The following PDZRN4 variants were observed in gnomAD, a reference collection of about 807,000 sequenced individuals.
PDZRN4 encodes PDZ domain-containing RING finger protein 4.
PDZRN4 carries 70 observed loss-of-function variants against 99.0 expected under a neutral mutation model. The ratio of observed to expected loss-of-function variants is 0.71; its 90% CI spans 0.58 to 0.86. PDZRN4 has a LOEUF of 0.86. Ranked by LOEUF, PDZRN4 falls within the 40% of genes least tolerant of loss-of-function variation. PDZRN4 has a pLI of 0.00. For synonymous variants in PDZRN4, 551 were observed against 501.6 expected, an observed-to-expected ratio of 1.10 and a Z score of -1.32; for missense variants, 1,474 against 1,331.2, an observed-to-expected ratio of 1.11 and a Z score of -1.67.
chr12:41,231,268 A>G (rs1951028027), intron 3 of PDZRN4, among the ~76,000 whole-genome samples: 1 of 152,086 alleles, frequency 6.6e-6, no homozygotes. Flanking sequence ...CAATTGCTTT[A>G]TTCAGGATTT....
chr12:41,307,512 A>G (rs1227807439), intron 3 of PDZRN4, among the ~76,000 whole-genome samples: 3 of 152,286 alleles, frequency 2.0e-5, no homozygotes, highest in East Asian at 3.9e-4. Flanking sequence ...ATACCATCAC[A>G]CTGGAGATTA....
At chr12:41,376,257 TG>T (rs1404329758) in intron 3 of PDZRN4, among the ~76,000 whole-genome samples, 1 of 152,178 alleles carries the variant, frequency 6.6e-6, no homozygotes, top group African/African-American at 2.4e-5. Context: ...GCAAGATTGA[TG>T]GATCATATGG....
intron 5 of PDZRN4, among the ~76,000 whole-genome samples, chr12:41,532,796 G>C (rs1416698406): frequency 1.3e-5 from 2 of 152,138 alleles, no homozygotes; most frequent in Non-Finnish European, 2.9e-5. Context: ...CCTTAGAATT[G>C]TTGTGAGGAC....
intron 3 of PDZRN4, among the ~76,000 whole-genome samples, chr12:41,426,611 G>C (rs1952539235): frequency 6.6e-6 from 1 of 152,172 alleles, no homozygotes; most frequent in South Asian, 2.1e-4. Flanking sequence ...TTTTGAACCT[G>C]AGTTTTTAAA....
intron 3 of PDZRN4, among the ~76,000 whole-genome samples, chr12:41,336,302 A>AT (rs1258810293): frequency 1.3e-5 from 2 of 152,132 alleles, no homozygotes; most frequent in Non-Finnish European, 2.9e-5. Flanking sequence ...TGTGGTGACC[A>AT]TTGTATGTCA....
chr12:41,213,878 A>G (rs1210965481), intron 3 of PDZRN4, among the ~76,000 whole-genome samples: 2 of 152,178 alleles, frequency 1.3e-5, no homozygotes, highest in Non-Finnish European at 1.5e-5. Flanking sequence ...CTTCTAGTAT[A>G]GAAGAGTCAC....
chr12:41,349,449 A>G (rs1427400761), intron 3 of PDZRN4, among the ~76,000 whole-genome samples: 1 of 150,612 alleles, frequency 6.6e-6, no homozygotes, highest in East Asian at 1.9e-4. Flanking sequence ...TTTACCATCC[A>G]TGTTTATTTT....
At chr12:41,468,224 TG>T (rs1331365005) in intron 3 of PDZRN4, among the ~76,000 whole-genome samples, 4 of 152,196 alleles carry the variant, frequency 2.6e-5, no homozygotes, top group Admixed American at 1.3e-4. Flanking sequence ...AAACTGAACA[TG>T]AGCCATTGAA....
At chr12:41,495,885 C>T (rs1937991168) in intron 3 of PDZRN4, among the ~76,000 whole-genome samples, 1 of 152,048 alleles carries the variant, frequency 6.6e-6, no homozygotes, top group Non-Finnish European at 1.5e-5. Context: ...TTCATCTCAT[C>T]AGACCCACCT....
rs1939423252 is a variant in PDZRN4 at position 41,568,737 on chromosome 12, C to T, written c.1584+838C>T. ...TGTTACACTCATGTCATTTATCTGC[C>T]TGATATAATTTTGTTTTCAGTTTAC... On this transcript the variant is annotated intron_variant, in intron 9 of 9. Transcript: ENST00000402685. Among the ~76,000 whole-genome samples, 5 of 151,890 alleles carry T rather than the reference C, an allele frequency of 3.3e-5. No homozygotes were observed. In the South Asian group the frequency reaches 1.0e-3, roughly 32 times the overall value.
chr12:41,203,140 A>G (rs887840762), intron 3 of PDZRN4, among the ~76,000 whole-genome samples: 9 of 151,552 alleles, frequency 5.9e-5, no homozygotes, highest in African/African-American at 2.2e-4. Context: ...CGGAAGGTTG[A>G]AAAAAAAACC....
intron 3 of PDZRN4, among the ~76,000 whole-genome samples, chr12:41,457,549 T>G (rs1359321177): frequency 6.6e-6 from 1 of 152,224 alleles, no homozygotes; most frequent in Non-Finnish European, 1.5e-5. Flanking sequence ...TCTCTTCCTT[T>G]TTTTAGCTAT....
At chr12:41,394,348 A>G (rs1421047044) in intron 3 of PDZRN4, among the ~76,000 whole-genome samples, 2 of 152,218 alleles carry the variant, frequency 1.3e-5, no homozygotes, top group African/African-American at 4.8e-5. Context: ...CAAAGATGCT[A>G]TTCCAAGAGT....
chr12:41,465,677 A>G (rs1952917774), intron 3 of PDZRN4, among the ~76,000 whole-genome samples: 2 of 152,088 alleles, frequency 1.3e-5, no homozygotes, highest in Non-Finnish European at 2.9e-5. Context: ...CTTGTGTTAT[A>G]TCTGGACAGT....
At chr12:41,513,925 A>G (rs1592092527) in intron 5 of PDZRN4, among the ~76,000 whole-genome samples, 2 of 152,210 alleles carry the variant, frequency 1.3e-5, no homozygotes, top group East Asian at 3.9e-4. Flanking sequence ...ATAAAACATC[A>G]TGTTAGTCAA....
chr12:41,274,773 T>C (rs1444895901), intron 3 of PDZRN4, among the ~76,000 whole-genome samples: 2 of 152,150 alleles, frequency 1.3e-5, no homozygotes, highest in Non-Finnish European at 2.9e-5. Context: ...GCCTGGTGTG[T>C]TCATGAAGTA....
chr12:41,572,069 TCC>T (rs1939491842), intron 9 of PDZRN4, among the ~76,000 whole-genome samples: 1 of 152,196 alleles, frequency 6.6e-6, no homozygotes, highest in Non-Finnish European at 1.5e-5. Context: ...ACCCCGAGTT[TCC>T]CAAGTAAGAG....
At chr12:41,552,535 C>A in intron 5 of PDZRN4, 121 bp from the exon 6 acceptor site, 6 of 607,868 alleles carry the variant, frequency 9.9e-6, no homozygotes, top group South Asian at 5.8e-5. Context: ...AGTTAATTTC[C>A]AATGTTGGGC....
chr12:41,412,406 A>C (rs1952406914), intron 3 of PDZRN4: 1 of 152,156 alleles, frequency 6.6e-6, no homozygotes, highest in Admixed American at 6.5e-5. Flanking sequence ...CTTACATCTC[A>C]TTGGTCAGAA....
Sources: allele counts gnomAD v4.1 joint callset (sites outside exome capture counted in the v4.1 genomes callset), GRCh38; gene constraint gnomAD v4.1.1; transcripts MANE v1.5; gene names NCBI Gene and HGNC (gene_info 2026-07-23, HGNC 2026-07-21).